COL27A1: variants seen among roughly 807,000 people sequenced by gnomAD.
COL27A1 encodes collagen type XXVII alpha 1 chain.
COL27A1 carries 106 observed loss-of-function variants against 251.3 expected under a neutral mutation model. The observed-to-expected ratio is 0.42, with a 90% CI of 0.36 to 0.50. The LOEUF is 0.50. Ranked by LOEUF, COL27A1 falls within the 20% of genes least tolerant of loss-of-function variation. COL27A1 has a pLI of 0.00. For missense variants in COL27A1, 2,325 were observed against 2,522.8 expected (o/e 0.92, Z 1.68); for synonymous variants, 1,000 against 986.3 (o/e 1.01, Z -0.26).
At chr9:114,211,360 G>A (rs1371198236) in intron 12 of COL27A1, among the ~76,000 whole-genome samples, 1 of 152,210 alleles carries the variant, frequency 6.6e-6, no homozygotes, top group Non-Finnish European at 1.5e-5. Context: ...GGGGGACCTT[G>A]GCTAGACCAG....
rs940563139 is a variant in COL27A1 at position 114,156,625 on chromosome 9, G to C, written c.62+613G>C. ...CTGTCCCTTTCACGTGTGTAAGAGAGAAAAAGTGAGAGCCAGCATGTCAGA... is the reference window on the plus strand; with the variant it reads ...CTGTCCCTTTCACGTGTGTAAGAGACAAAAAGTGAGAGCCAGCATGTCAGA... On this transcript the variant is annotated intron_variant, in intron 1 of 60. Coordinates refer to ENST00000356083, the MANE Select transcript of COL27A1 (RefSeq NM_032888.4). Among the ~76,000 whole-genome samples, 29 of 152,112 alleles carry C rather than the reference G, an allele frequency of 1.9e-4. 3 individuals are homozygous for C. The highest frequency in any genetic ancestry group is 1.8e-3 in the Admixed American group (27 of 15,290).
chr9:114,187,407 C>T (rs1435270066), intron 5 of COL27A1, among the ~76,000 whole-genome samples: 2 of 152,244 alleles, frequency 1.3e-5, no homozygotes, highest in Admixed American at 1.3e-4. Context: ...CTTTGAGCAA[C>T]CTTTGGGCCA....
rs993346166 is a variant in COL27A1, at chr9:114,207,596, G to A, written c.2268+1300G>A. 3.7e-4 allele frequency among the ~76,000 whole-genome samples: 57 copies of A among 152,326 alleles called. 1 individual carries two copies. The highest frequency in any genetic ancestry group is 1.4e-3 in the African/African-American group (57 of 41,572). On this transcript the variant is annotated intron_variant, in intron 10 of 60. Transcript: ENST00000356083. ...GCAGGAGAGGACTGGTCTGGCCCCA[G>A]CACTCCTGTCTCTTACAGGCCACAC...
intron 44 of COL27A1, 42 bp downstream of exon 44, chr9:114,289,009 G>A: frequency 6.2e-7 from 1 of 1,608,962 alleles, no homozygotes; most frequent in Non-Finnish European, 8.5e-7. Flanking sequence ...CCCACCCTGA[G>A]TGGGGCGGAG....
intron 2 of COL27A1, 79 bp downstream of exon 2, chr9:114,162,864 C>T (rs547740938): frequency 1.0e-5 from 10 of 995,766 alleles, no homozygotes; most frequent in East Asian, 4.9e-5. Context: ...AGGAGACAGC[C>T]GTGCCTGTAA....
intron 23 of COL27A1, among the ~76,000 whole-genome samples, chr9:114,245,180 A>G (rs1454008217): frequency 8.7e-6 from 1 of 114,344 alleles, no homozygotes; most frequent in African/African-American, 3.6e-5. Context: ...TTTTTTTGAC[A>G]GTCTCGCTCT....
intron 34 of COL27A1, among the ~76,000 whole-genome samples, chr9:114,268,047 C>G (rs1331986722): frequency 6.6e-6 from 1 of 152,208 alleles, no homozygotes; most frequent in Non-Finnish European, 1.5e-5. Context: ...GTCCAGTCAC[C>G]CCCTTCCATG....
intron 57 of COL27A1, among the ~76,000 whole-genome samples, chr9:114,304,887 G>A (rs1220527741): frequency 4.6e-5 from 7 of 152,224 alleles, no homozygotes; most frequent in Non-Finnish European, 8.8e-5. Flanking sequence ...GGCAGAGCAA[G>A]GCCAGAAACA....
intron 4 of COL27A1, among the ~76,000 whole-genome samples, chr9:114,179,999 C>T (rs1413913693): frequency 6.6e-6 from 1 of 151,970 alleles, no homozygotes; most frequent in African/African-American, 2.4e-5. Flanking sequence ...CCCCCGGGCC[C>T]AGCTATTTTT....
Position 114,185,286 on chromosome 9 carries a change from G to A in COL27A1, c.2016+2211G>A, listed in dbSNP as rs374049163. Among the ~76,000 whole-genome samples the A allele has an allele frequency of 2.0e-3, 299 of 152,342 alleles. 3 individuals are homozygous for A. In the Middle Eastern group the frequency reaches 0.027, roughly 14 times the overall value. On this transcript the variant is annotated intron_variant, in intron 5 of 60. Transcript: ENST00000356083. The stretch of plus-strand genomic sequence containing the variant: ...TCTGTGTATAATAGATAAGGATGTG[G>A]GTTCTATAAAATACACTGGAATCAG...
In COL27A1 at chr9:114,300,630, G is replaced by C; in HGVS notation, c.4644G>C (p.Pro1548=). The C allele has an allele frequency of 1.3e-6, 2 of 1,534,938 alleles. No individual in the cohort carries two copies. The highest frequency in any genetic ancestry group is 1.7e-6 in the Non-Finnish European group (2 of 1,143,940). ...GMAGLFGPKG[P]PGDIGFKGIQ... ...CCTTTCTCTGCCTCCCACAGGGCCCGCCTGGAGACATTGGCTTCAAAGGCA... is the reference window on the plus strand; with the variant it reads ...CCTTTCTCTGCCTCCCACAGGGCCCCCCTGGAGACATTGGCTTCAAAGGCA... The change falls in exon 51 of 61, where the codon CCG becomes CCC. Residue 1548 remains proline, a synonymous_variant. Coordinates refer to ENST00000356083, the MANE Select transcript of COL27A1 (RefSeq NM_032888.4).
At chr9:114,242,743 G>A (rs1375968965) in intron 22 of COL27A1, among the ~76,000 whole-genome samples, 1 of 152,252 alleles carries the variant, frequency 6.6e-6, no homozygotes, top group African/African-American at 2.4e-5. Flanking sequence ...GCTTTTGTTT[G>A]AGTGGGTTAC....
intron 3 of COL27A1, among the ~76,000 whole-genome samples, chr9:114,174,581 G>A (rs1849552161): frequency 6.6e-6 from 1 of 152,202 alleles, no homozygotes; most frequent in Non-Finnish European, 1.5e-5. Flanking sequence ...AGGAAGGCCG[G>A]GGTATAATCT....
chr9:114,159,811 C>T (rs1299831613), intron 1 of COL27A1, among the ~76,000 whole-genome samples: 1 of 152,188 alleles, frequency 6.6e-6, no homozygotes, highest in East Asian at 1.9e-4. Context: ...ATGGAAGTAC[C>T]TGCCTTCCCT....
Position 114,292,210 on chromosome 9 carries a change from G to A in COL27A1, c.4584G>A (p.Pro1528=), listed in dbSNP as rs768967697. 1.3e-5 allele frequency: 20 copies of A among 1,551,712 alleles called. No homozygotes were observed. Among genetic ancestry groups the A allele is most frequent in the Non-Finnish European group, 1.5e-5 (17 of 1,147,256 alleles). ...GGGAGCCTGGGTCCAAAGGCCAGCCGGTGAGTGAGCGCCAAAGAATACACA... is the reference window on the plus strand; with the variant it reads ...GGGAGCCTGGGTCCAAAGGCCAGCCAGTGAGTGAGCGCCAAAGAATACACA... ...NQGEPGSKGQ[P]GDSGEMGFPG... is the part of the protein sequence containing the mutation. The change falls in exon 49 of 61, where the codon CCG becomes CCA. Residue 1528 remains proline (P), a splice_region_variant and synonymous_variant. Transcript: ENST00000356083.
At position 114,169,223 on chromosome 9, in the gene COL27A1, C is replaced by T. The variant is rs1206581813; in HGVS notation, c.1668C>T (p.Pro556=). The change falls in exon 3 of 61, where the codon CCC becomes CCT. Residue 556 remains proline, a synonymous_variant. Transcript: ENST00000356083. ...GPKSSPRKPV[P]LRPGKAARDV... is the part of the protein sequence containing the mutation. ...AGAGCAGCCCCCGGAAGCCTGTCCC[C>T]CTCAGACCTGGGAAGGCAGCCAGGG... 3.7e-6 allele frequency: 6 copies of T among 1,614,022 alleles called. No homozygotes were observed. Among genetic ancestry groups the T allele is most frequent in the East Asian group, 2.2e-5 (1 of 44,870 alleles).
At chr9:114,216,828 C>G (rs759470609) in intron 12 of COL27A1, among the ~76,000 whole-genome samples, 3 of 152,202 alleles carry the variant, frequency 2.0e-5, no homozygotes, top group Admixed American at 6.5e-5. Context: ...CCAAGCAGAA[C>G]CAGTCCTCAG....
intron 7 of COL27A1, among the ~76,000 whole-genome samples, chr9:114,197,290 C>T (rs542837274): frequency 1.3e-5 from 2 of 152,220 alleles, no homozygotes; most frequent in African/African-American, 4.8e-5. Context: ...CCTTGAGAGC[C>T]CCATGACACA....
At position 114,167,918 on chromosome 9, in the gene COL27A1, A is replaced by G. The variant is rs1322505916; in HGVS notation, c.363A>G (p.Lys121=). Reference sequence around the variant, plus strand: ...TCCTCTTCGCTGTCCGCAGCCAGAAACGCAAGCTGCAGCTGGGCCTGCAGT... The same window carrying G: ...TCCTCTTCGCTGTCCGCAGCCAGAAGCGCAAGCTGCAGCTGGGCCTGCAGT... ...HAFLFAVRSQ[K]RKLQLGLQFL... The change falls in exon 3 of 61, where the codon AAA becomes AAG. Residue 121 remains lysine, a synonymous_variant. Transcript: ENST00000356083. The G allele has an allele frequency of 6.2e-7, 1 of 1,611,802 alleles. No individual in the cohort carries two copies. Among genetic ancestry groups the G allele is most frequent in the Admixed American group, 1.7e-5 (1 of 60,028 alleles).
Sources: gnomAD v4.1 joint callset for allele counts (sites outside exome capture counted in the v4.1 genomes callset) on GRCh38, gnomAD v4.1.1 for gene constraint, MANE v1.5 for transcripts, NCBI Gene and HGNC (gene_info 2026-07-23, HGNC 2026-07-21) for gene names.